The following ATF7IP2 variants were observed in gnomAD, a reference collection of about 807,000 sequenced individuals.
ATF7IP2 encodes activating transcription factor 7-interacting protein 2.
In ATF7IP2, 42 loss-of-function variants were observed where a neutral mutation model predicts 64.2. The observed-to-expected ratio is 0.65, with a 90% CI of 0.51 to 0.85. The LOEUF (loss-of-function observed/expected upper bound fraction) is 0.85, where lower values mean the gene tolerates loss of function less well. ATF7IP2 is among the 40% of genes least tolerant of loss of function. The pLI, the probability that ATF7IP2 is intolerant of heterozygous loss-of-function variation, is 0.00. For synonymous variants in ATF7IP2, 308 were observed against 272.8 expected (o/e 1.13, Z -1.27); for missense variants, 933 against 784.2 (o/e 1.19, Z -2.27).
At chr16:10,457,599 T>C (rs2049223399) in intron 9 of ATF7IP2, 70 bp downstream of exon 9, 2 of 1,154,780 alleles carry the variant, frequency 1.7e-6, no homozygotes, top group African/African-American at 3.2e-5. Context: ...TCATCACAGT[T>C]TTGGATCTTT....
At chr16:10,453,044 C>G (rs534584174) in intron 8 of ATF7IP2, among the ~76,000 whole-genome samples, 1 of 152,266 alleles carries the variant, frequency 6.6e-6, no homozygotes, top group East Asian at 1.9e-4. Context: ...ACCTGCCGAG[C>G]CAGAACACTT....
intron 8 of ATF7IP2, chr16:10,448,383 A>G (rs1402865963): frequency 1.3e-5 from 2 of 152,318 alleles, no homozygotes; most frequent in East Asian, 1.9e-4. Flanking sequence ...TTTTCACAGT[A>G]TTGATTCTTC....
intron 9 of ATF7IP2, among the ~76,000 whole-genome samples, chr16:10,463,048 C>G (rs1485590230): frequency 6.6e-6 from 1 of 152,112 alleles, no homozygotes; most frequent in Non-Finnish European, 1.5e-5. Flanking sequence ...CCTTGCCATC[C>G]AAGCGTTGTA....
intron 9 of ATF7IP2, among the ~76,000 whole-genome samples, chr16:10,460,420 T>C (rs1309198336): frequency 6.6e-6 from 1 of 152,132 alleles, no homozygotes; most frequent in Non-Finnish European, 1.5e-5. Flanking sequence ...TACTCTTTAA[T>C]TAGTGAAACA....
intron 2 of ATF7IP2, among the ~76,000 whole-genome samples, chr16:10,418,701 T>C (rs1356801780): frequency 6.6e-6 from 1 of 152,250 alleles, no homozygotes; most frequent in African/African-American, 2.4e-5. Flanking sequence ...AATTTTGCAA[T>C]GTCCAACGAC....
intron 5 of ATF7IP2, among the ~76,000 whole-genome samples, chr16:10,432,648 C>T (rs1293539445): frequency 1.3e-5 from 2 of 152,184 alleles, no homozygotes; most frequent in Admixed American, 6.5e-5. Flanking sequence ...GCAGGTGGAT[C>T]ACCTGAGGTC....
At chr16:10,389,494 C>G (rs2047277589) in intron 1 of ATF7IP2, among the ~76,000 whole-genome samples, 2 of 152,074 alleles carry the variant, frequency 1.3e-5, no homozygotes, top group Non-Finnish European at 1.5e-5. Context: ...GTGAGTGCTC[C>G]CCGTCCAGTG....
At chr16:10,437,678 C>T (rs2048467684) in intron 6 of ATF7IP2, among the ~76,000 whole-genome samples, 1 of 152,166 alleles carries the variant, frequency 6.6e-6, no homozygotes, top group African/African-American at 2.4e-5. Context: ...TGTTCTATAT[C>T]TACTACAGAC....
rs368341630 is a variant in ATF7IP2, at chr16:10,478,756, C to G, written c.1550-2123C>G. Among the ~76,000 whole-genome samples, 80 of 152,340 alleles carry G rather than the reference C, an allele frequency of 5.3e-4. 1 individual carries two copies. The East Asian group carries it at 8.7e-3, about 17-fold the overall frequency. Reference sequence around the variant, plus strand: ...GAGAAAATTTTCGCAATCTACTCATCTGACAAAGGGCTAATATTCAGAATC... The same window carrying G: ...GAGAAAATTTTCGCAATCTACTCATGTGACAAAGGGCTAATATTCAGAATC... On this transcript the variant is annotated intron_variant, in intron 12 of 13. Transcript: ENST00000562102.
At chr16:10,470,153 G>A (rs144287008) in intron 9 of ATF7IP2, among the ~76,000 whole-genome samples, 1 of 152,002 alleles carries the variant, frequency 6.6e-6, no homozygotes, top group Non-Finnish European at 1.5e-5. Context: ...TCTTTATAGT[G>A]TATACACACA....
intron 9 of ATF7IP2, among the ~76,000 whole-genome samples, chr16:10,464,345 C>G (rs1009510815): frequency 1.3e-5 from 2 of 152,004 alleles, no homozygotes; most frequent in Non-Finnish European, 2.9e-5. Flanking sequence ...CTAGAGAAAA[C>G]CAGGAGATTT....
At chr16:10,439,117 A>T (rs902363686) in intron 7 of ATF7IP2, among the ~76,000 whole-genome samples, 1 of 151,722 alleles carries the variant, frequency 6.6e-6, no homozygotes, top group Non-Finnish European at 1.5e-5. Context: ...AACTTGTACA[A>T]CCTGTTTCAA....
At position 10,467,670 on chromosome 16, in the gene ATF7IP2, G is replaced by A. The variant is rs191811403; in HGVS notation, c.1353-4440G>A. ...GCAACCTGTGCCTCACAGTTCAAGC[G>A]ATTCTCCTGCCTCAGCCTCCTGAGT... On this transcript the variant is annotated intron_variant, in intron 9 of 13. Transcript: ENST00000562102. Among the ~76,000 whole-genome samples, 828 of 151,368 alleles carry A rather than the reference G, an allele frequency of 5.5e-3. 6 individuals are homozygous for A. Among genetic ancestry groups the A allele is most frequent in the African/African-American group, 0.019 (800 of 41,206 alleles).
At position 10,473,941 on chromosome 16, in the gene ATF7IP2, G is replaced by C. The variant is rs368884368; in HGVS notation, c.1501G>C (p.Asp501His). ...TTTTTAGGCTGTACAGAAGAAACTTGATTCTATAATTGATTTGACAAAAGA... is the reference window on the plus strand; with the variant it reads ...TTTTTAGGCTGTACAGAAGAAACTTCATTCTATAATTGATTTGACAAAAGA... The part of the protein sequence containing the change: ...AEVMAVQKKL[D>H]SIIDLTKEGL... The change falls in exon 12 of 14, where the codon GAT becomes CAT. Residue 501 changes from aspartate to histidine, a missense_variant. Coordinates refer to ENST00000562102, the MANE Select transcript of ATF7IP2 (RefSeq NM_001393719.1). 1.4e-6 allele frequency: 2 copies of C among 1,443,194 alleles called. No homozygotes were observed. The highest frequency in any genetic ancestry group is 1.9e-6 in the Non-Finnish European group (2 of 1,050,610). 89.4% of individuals were successfully genotyped at this position (1,443,194 alleles called of 1,614,324 possible). A position where few individuals can be genotyped will look rare whatever the true frequency, so the allele number is the denominator to read the frequency against.
chr16:10,398,303 C>CA (rs370158117), intron 1 of ATF7IP2, among the ~76,000 whole-genome samples: 13,563 of 133,998 alleles, frequency 0.1, 683 homozygotes, highest in African/African-American at 0.15. Context: ...GACTCCATCT[C>CA]AAAAAAAAAA....
intron 3 of ATF7IP2, among the ~76,000 whole-genome samples, chr16:10,426,320 C>T (rs2048084867): frequency 6.6e-6 from 1 of 152,164 alleles, no homozygotes; most frequent in African/African-American, 2.4e-5. Context: ...TTATTCTCAG[C>T]AATGAATTCA....
Position 10,481,828 on chromosome 16 carries a change from GT to G in ATF7IP2, c.1636-3del. 6.4e-7 allele frequency: 1 copy of G among 1,558,392 alleles called. No homozygotes were observed. The highest frequency in any genetic ancestry group is 8.6e-7 in the Non-Finnish European group (1 of 1,158,626). ...AAAAGCTATATTTTCTTACAATTGT[GT>G]TTTTAGGTTCCTGAGTCCTTTGAGC... On this transcript the variant is annotated splice_region_variant and splice_polypyrimidine_tract_variant and intron_variant, in intron 13 of 13. Coordinates refer to ENST00000562102, the MANE Select transcript of ATF7IP2 (RefSeq NM_001393719.1).
chr16:10,480,796 C>G, intron 12 of ATF7IP2, 83 bp from the exon 13 acceptor site: 1 of 911,274 alleles, frequency 1.1e-6, no homozygotes, highest in Non-Finnish European at 1.8e-6. Flanking sequence ...TAATTACCAC[C>G]AAAGATGTAA....
intron 8 of ATF7IP2, among the ~76,000 whole-genome samples, chr16:10,451,652 C>A (rs750757474): frequency 6.6e-6 from 1 of 151,906 alleles, no homozygotes; most frequent in South Asian, 2.1e-4. Context: ...GTTCTCATAC[C>A]GTGTTTTTCA....
Sources: allele counts gnomAD v4.1 joint callset (sites outside exome capture counted in the v4.1 genomes callset), GRCh38; gene constraint gnomAD v4.1.1; transcripts MANE v1.5; gene names NCBI Gene and HGNC (gene_info 2026-07-23, HGNC 2026-07-21).